The following ALOX5 variants were observed in gnomAD, a reference collection of about 807,000 sequenced individuals.
The protein encoded by ALOX5 is arachidonate 5-lipoxygenase, also known as polyunsaturated fatty acid 5-lipoxygenase.
In ALOX5, 64 loss-of-function variants were observed where a neutral mutation model predicts 87.9. That is an observed-to-expected ratio of 0.73 (90% CI 0.60 to 0.90). The LOEUF is 0.90. Ranked by LOEUF, ALOX5 falls within the 40% of genes least tolerant of loss-of-function variation. ALOX5 has a pLI of 0.00. For synonymous variants in ALOX5, 388 were observed against 355.1 expected, an observed-to-expected ratio of 1.09 and a Z score of -1.04; for missense variants, 822 against 907.5, an observed-to-expected ratio of 0.91 and a Z score of 1.21.
chr10:45,407,345 G>A lies in ALOX5; in HGVS notation c.432-4846G>A, dbSNP rs549611976. ...TCTGTCTCTGTTTCTCCTGTCTCTT[G>A]GACATTTTAAAATGTATTCAGTATA... On this transcript the variant is annotated intron_variant, in intron 3 of 13. Coordinates refer to ENST00000374391, the MANE Select transcript of ALOX5 (RefSeq NM_000698.5). 3.3e-5 allele frequency among the ~76,000 whole-genome samples: 5 copies of A among 150,536 alleles called. No individual in the cohort carries two copies. In the South Asian group the frequency reaches 1.1e-3, roughly 32 times the overall value.
Position 45,412,135 on chromosome 10 carries a change from G to A in ALOX5, c.432-56G>A. The A allele has an allele frequency of 2.5e-6, 4 of 1,610,428 alleles. No individual in the cohort carries two copies. The East Asian group carries it at 6.7e-5, about 27-fold the overall frequency. ...GACAGTGTGGGCGGCCCTCAGCTGA[G>A]GGGGCAGACCAAAGGCTGGCATTTA... On this transcript the variant is annotated intron_variant, in intron 3 of 13. Coordinates refer to ENST00000374391, the MANE Select transcript of ALOX5 (RefSeq NM_000698.5).
intron 3 of ALOX5, among the ~76,000 whole-genome samples, chr10:45,403,928 A>C (rs1366850494): frequency 6.6e-6 from 1 of 152,178 alleles, no homozygotes; most frequent in African/African-American, 2.4e-5. Context: ...GCCAGTTCTC[A>C]GAGCACTTCT....
intron 1 of ALOX5, among the ~76,000 whole-genome samples, chr10:45,380,220 C>A (rs915899537): frequency 6.6e-6 from 1 of 152,232 alleles, no homozygotes; most frequent in Admixed American, 6.5e-5. Context: ...ACTCTCCCTG[C>A]AGGAGGGGCA....
chr10:45,423,025 G>A (rs1381295018), intron 4 of ALOX5, among the ~76,000 whole-genome samples: 2 of 152,136 alleles, frequency 1.3e-5, no homozygotes, highest in East Asian at 1.9e-4. Context: ...CCCCACCCTC[G>A]TGACCTCGTC....
intron 4 of ALOX5, among the ~76,000 whole-genome samples, chr10:45,421,177 G>A (rs1841493685): frequency 6.6e-6 from 1 of 152,236 alleles, no homozygotes; most frequent in Admixed American, 6.5e-5. Flanking sequence ...TAAGGATATA[G>A]AAATATTTTG....
chr10:45,398,488 T>C (rs1352156472), intron 3 of ALOX5, among the ~76,000 whole-genome samples: 1 of 151,842 alleles, frequency 6.6e-6, no homozygotes, highest in Non-Finnish European at 1.5e-5. Context: ...AAAAGAAAAA[T>C]AGATAAAGTG....
chr10:45,423,710 C>T (rs1395299590), intron 4 of ALOX5, among the ~76,000 whole-genome samples: 1 of 152,188 alleles, frequency 6.6e-6, no homozygotes, highest in African/African-American at 2.4e-5. Flanking sequence ...GATCTCTGTT[C>T]GTAGAAGCTT....
At chr10:45,407,366 G>C (rs1419341266) in intron 3 of ALOX5, among the ~76,000 whole-genome samples, 1 of 150,278 alleles carries the variant, frequency 6.7e-6, no homozygotes, top group Non-Finnish European at 1.5e-5. Flanking sequence ...AATGTATTCA[G>C]TATATACCTA....
intron 3 of ALOX5, among the ~76,000 whole-genome samples, chr10:45,399,984 A>G (rs891881736): frequency 3.3e-5 from 5 of 152,170 alleles, no homozygotes; most frequent in Non-Finnish European, 7.4e-5. Context: ...AAAAAGACAG[A>G]TAGTAACAAG....
At chr10:45,426,845 A>G (rs1312043204) in intron 6 of ALOX5, among the ~76,000 whole-genome samples, 3 of 152,136 alleles carry the variant, frequency 2.0e-5, no homozygotes, top group Non-Finnish European at 2.9e-5. Context: ...GAGGTAAAAA[A>G]TGATCACCGG....
chr10:45,421,064 C>T (rs1589028883), intron 4 of ALOX5, among the ~76,000 whole-genome samples: 1 of 152,236 alleles, frequency 6.6e-6, no homozygotes, highest in African/African-American at 2.4e-5. Flanking sequence ...GTGGCTGTTA[C>T]CTGCCTGTGT....
intron 2 of ALOX5, among the ~76,000 whole-genome samples, chr10:45,393,077 G>C (rs1840350662): frequency 6.6e-6 from 1 of 152,170 alleles, no homozygotes; most frequent in Non-Finnish European, 1.5e-5. Context: ...AATAGAAAAA[G>C]AGGGAATCCT....
chr10:45,395,293 C>A (rs981056121), intron 2 of ALOX5, among the ~76,000 whole-genome samples: 2 of 152,178 alleles, frequency 1.3e-5, no homozygotes, highest in African/African-American at 4.8e-5. Flanking sequence ...AGGATGAATT[C>A]ATGTCCTTTG....
rs546496735 is a variant in ALOX5 at position 45,408,554 on chromosome 10, A to T, written c.432-3637A>T. 7.9e-5 allele frequency among the ~76,000 whole-genome samples: 12 copies of T among 152,264 alleles called. No homozygotes were observed. In the South Asian group the frequency reaches 2.5e-3, roughly 32 times the overall value. On this transcript the variant is annotated intron_variant, in intron 3 of 13. Transcript: ENST00000374391. ...CAGGCTTCAGGTAGAATCAATTGTA[A>T]ATGTTTCTTATCAATCTTAAAGAGT...
chr10:45,412,738 C>T (rs940093711), intron 4 of ALOX5, among the ~76,000 whole-genome samples: 1 of 152,296 alleles, frequency 6.6e-6, no homozygotes, highest in Admixed American at 6.5e-5. Flanking sequence ...CCGTCACAAC[C>T]CCACGAGGGA....
chr10:45,381,595 A>G (rs1451045257), intron 1 of ALOX5, among the ~76,000 whole-genome samples: 1 of 152,164 alleles, frequency 6.6e-6, no homozygotes, highest in Non-Finnish European at 1.5e-5. Flanking sequence ...GGTCTCCCAC[A>G]AGGCTATCCC....
chr10:45,426,025 T>C (rs867733015), intron 6 of ALOX5, among the ~76,000 whole-genome samples: 1 of 151,956 alleles, frequency 6.6e-6, no homozygotes, highest in Non-Finnish European at 1.5e-5. Flanking sequence ...TTTCCTAACC[T>C]CCTCCTCCTC....
Position 45,445,823 on chromosome 10 carries a change from T to C in ALOX5, c.*136T>C, listed in dbSNP as rs1400252013. 20 of 982,344 alleles carry C rather than the reference T, an allele frequency of 2.0e-5. No homozygotes were observed. Among genetic ancestry groups the C allele is most frequent in the Non-Finnish European group, 3.0e-5 (20 of 666,404 alleles). The allele number at this position is 982,344 out of a possible 1,614,324, so 60.9% of individuals were successfully genotyped here. On this transcript the variant is annotated 3_prime_UTR_variant, in exon 14 of 14. Coordinates refer to ENST00000374391, the MANE Select transcript of ALOX5 (RefSeq NM_000698.5). Reference sequence around the variant, plus strand: ...AGGCCAGTACCTTTCCATTTATTCTTTGATCTTCAGGGAACTGCATAGATT... The same window carrying C: ...AGGCCAGTACCTTTCCATTTATTCTCTGATCTTCAGGGAACTGCATAGATT...
At chr10:45,428,831 C>CT (rs1264951717) in intron 7 of ALOX5, 67 bp downstream of exon 7, 7 of 1,580,374 alleles carry the variant, frequency 4.4e-6, no homozygotes, top group Non-Finnish European at 6.1e-6. Context: ...TCCTGGGTGG[C>CT]TCCATTCACA....
Sources: allele counts gnomAD v4.1 joint callset (sites outside exome capture counted in the v4.1 genomes callset), GRCh38; gene constraint gnomAD v4.1.1; transcripts MANE v1.5; gene names NCBI Gene and HGNC (gene_info 2026-07-23, HGNC 2026-07-21).